Variants in SLC5A8 observed in about 807,000 individuals in gnomAD.
The protein encoded by SLC5A8 is sodium-coupled monocarboxylate transporter 1.
In SLC5A8, 55 loss-of-function variants were observed where a neutral mutation model predicts 71.9. That is an observed-to-expected ratio of 0.77 (90% CI 0.62 to 0.96). SLC5A8 has a LOEUF of 0.96. Ranked by LOEUF, SLC5A8 falls within the 40% of genes least tolerant of loss-of-function variation. The probability of loss-of-function intolerance (pLI) is 0.00; values close to 1 mark genes in which losing one functional copy is unlikely to be tolerated. For missense variants in SLC5A8, 701 were observed against 745.3 expected (o/e 0.94, Z 0.69); for synonymous variants, 307 against 276.1 (o/e 1.11, Z -1.11).
intron 1 of SLC5A8, among the ~76,000 whole-genome samples, chr12:101,207,759 A>G (rs1267338398): frequency 3.9e-5 from 6 of 152,178 alleles, no homozygotes; most frequent in Admixed American, 3.3e-4. Flanking sequence ...AGGTGTTCAC[A>G]TATTAACATG....
At chr12:101,208,540 C>T (rs1869773101) in intron 1 of SLC5A8, among the ~76,000 whole-genome samples, 1 of 152,180 alleles carries the variant, frequency 6.6e-6, no homozygotes, top group Non-Finnish European at 1.5e-5. Flanking sequence ...CCGCCCCCAC[C>T]TCCCATTCAA....
In SLC5A8 at chr12:101,187,469, A is replaced by G; in HGVS notation, c.880T>C (p.Ser294Pro). 6.2e-7 allele frequency: 1 copy of G among 1,614,006 alleles called. No homozygotes were observed. The highest frequency in any genetic ancestry group is 8.5e-7 in the Non-Finnish European group (1 of 1,179,954). Residue 294 changes from serine (S) to proline (P), a missense_variant, in exon 7 of 15, where the codon TCA becomes CCA. Physicochemically the swap from Ser to Pro is moderately conservative, Grantham distance 74. Coordinates refer to ENST00000536262, the MANE Select transcript of SLC5A8 (RefSeq NM_145913.5). ...LVGLWAILTC[S>P]VFCGLALYSR... ...TATAGGGCGAGCCCACAAAACACTG[A>G]GCATGTGAGGATTGCCCAGAGTCCC...
At chr12:101,182,588 G>T (rs1868414003) in intron 9 of SLC5A8, among the ~76,000 whole-genome samples, 1 of 152,156 alleles carries the variant, frequency 6.6e-6, no homozygotes, top group Non-Finnish European at 1.5e-5. Context: ...ACAATTAATT[G>T]TTTGAAGTGT....
rs2051672608 is a variant in SLC5A8, at chr12:101,157,172, A to G, written c.*107T>C. On this transcript the variant is annotated 3_prime_UTR_variant, in exon 15 of 15. Coordinates refer to ENST00000536262, the MANE Select transcript of SLC5A8 (RefSeq NM_145913.5). Reference sequence around the variant, plus strand: ...TTTAACAAAAACTTATCCCCCAAACACTCATGATACAACACACACACACAC... The same window carrying G: ...TTTAACAAAAACTTATCCCCCAAACGCTCATGATACAACACACACACACAC... The G allele has an allele frequency of 7.5e-7, 1 of 1,339,678 alleles. No homozygotes were observed. The highest frequency in any genetic ancestry group is 1.5e-5 in the African/African-American group (1 of 66,734). The allele number at this position is 1,339,678 out of a possible 1,614,324, so 83.0% of individuals were successfully genotyped here. A position where few individuals can be genotyped will look rare whatever the true frequency, so the allele number is the denominator to read the frequency against.
At chr12:101,185,528 G>T (rs1219700414) in intron 7 of SLC5A8, among the ~76,000 whole-genome samples, 1 of 152,134 alleles carries the variant, frequency 6.6e-6, no homozygotes, top group Non-Finnish European at 1.5e-5. Context: ...AATGCCAGCA[G>T]AGCATAGAGA....
At chr12:101,195,412 C>A (rs957530523) in intron 3 of SLC5A8, among the ~76,000 whole-genome samples, 4 of 152,072 alleles carry the variant, frequency 2.6e-5, no homozygotes, top group African/African-American at 9.7e-5. Context: ...CATGGAAAGG[C>A]GTTTATATTG....
Position 101,158,598 on chromosome 12 carries a change from C to CTATATATATATATATA in SLC5A8, c.1631-286_1631-271dup, listed in dbSNP as rs139268658. On this transcript the variant is annotated intron_variant, in intron 13 of 14. Coordinates refer to ENST00000536262, the MANE Select transcript of SLC5A8 (RefSeq NM_145913.5). ...TCTCTCTCTCTCTCTCTCTCTCTCT[C>CTATATATATATATATA]TATATATATATATATATATATATAT... Among the ~76,000 whole-genome samples, 50 of 21,168 alleles carry CTATATATATATATATA rather than the reference C, an allele frequency of 2.4e-3. 1 individual carries two copies. Among genetic ancestry groups the CTATATATATATATATA allele is most frequent in the Admixed American group, 4.8e-3 (7 of 1,468 alleles). The allele number at this position is 21,168 out of a possible 152,430, so 13.9% of individuals were successfully genotyped here. A position where few individuals can be genotyped will look rare whatever the true frequency, so the allele number is the denominator to read the frequency against.
chr12:101,199,358 C>T (rs1306060146), intron 3 of SLC5A8: 2 of 151,860 alleles, frequency 1.3e-5, no homozygotes, highest in South Asian at 2.1e-4. Flanking sequence ...TTTTAGTATA[C>T]ATGCTGCCAA....
intron 3 of SLC5A8, among the ~76,000 whole-genome samples, chr12:101,201,918 G>T (rs1869469575): frequency 6.6e-6 from 1 of 152,116 alleles, no homozygotes; most frequent in Non-Finnish European, 1.5e-5. Flanking sequence ...TGGGCTGATG[G>T]GCACATCCCA....
chr12:101,207,574 C>T (rs550636586), intron 1 of SLC5A8, among the ~76,000 whole-genome samples: 2 of 152,036 alleles, frequency 1.3e-5, no homozygotes, highest in Non-Finnish European at 2.9e-5. Context: ...GTTGTAGCCC[C>T]GAAGAGGCAT....
In SLC5A8 at chr12:101,158,243, A is replaced by G. The variant is rs2051685528; in HGVS notation, c.1710+6T>C. The stretch of plus-strand genomic sequence containing the variant: ...CCTAACTCAAGGTAAATGAAAGCCA[A>G]CTCACTTTCTTAAAAATATCAAAAT... On this transcript the variant is annotated splice_donor_region_variant and intron_variant, in intron 14 of 14. Coordinates refer to ENST00000536262, the MANE Select transcript of SLC5A8 (RefSeq NM_145913.5). 1 of 1,567,804 alleles carries G rather than the reference A, an allele frequency of 6.4e-7. No individual in the cohort carries two copies. The highest frequency in any genetic ancestry group is 8.7e-7 in the Non-Finnish European group (1 of 1,143,000).
In SLC5A8 at chr12:101,166,549, T is replaced by C; in HGVS notation, c.1471A>G (p.Thr491Ala). 3.1e-6 allele frequency: 5 copies of C among 1,614,028 alleles called. No homozygotes were observed. The highest frequency in any genetic ancestry group is 4.2e-6 in the Non-Finnish European group (5 of 1,179,946). Residue 491 changes from threonine to alanine, a missense_variant, in exon 12 of 15, where the codon ACA becomes GCA. Coordinates refer to ENST00000536262, the MANE Select transcript of SLC5A8 (RefSeq NM_145913.5). ...NSTYNETNLM[T>A]TTEMPFTTSV... ...GTAGTAAATGGCATTTCTGTGGTTG[T>C]CATCAAATTTGTCTCATTGTAGGTG...
At chr12:101,163,390 G>A (rs1180410919) in intron 12 of SLC5A8, among the ~76,000 whole-genome samples, 2 of 152,144 alleles carry the variant, frequency 1.3e-5, no homozygotes, top group Admixed American at 1.3e-4. Flanking sequence ...TCAAGACAAT[G>A]AGAACTTGGC....
chr12:101,185,098 A>T (rs553164327), intron 7 of SLC5A8, among the ~76,000 whole-genome samples: 181 of 152,318 alleles, frequency 1.2e-3, no homozygotes, highest in African/African-American at 4.0e-3. Context: ...ATTTAACAAT[A>T]GTGTGCTCAT....
At chr12:101,184,556 A>G (rs1868538682) in intron 7 of SLC5A8, among the ~76,000 whole-genome samples, 1 of 152,226 alleles carries the variant, frequency 6.6e-6, no homozygotes, top group South Asian at 2.1e-4. Flanking sequence ...TGTAAAACTC[A>G]TAGTATAGTA....
intron 10 of SLC5A8, among the ~76,000 whole-genome samples, chr12:101,176,974 GA>G (rs1402996903): frequency 2.6e-5 from 4 of 151,674 alleles, no homozygotes; most frequent in Non-Finnish European, 4.4e-5. Flanking sequence ...AAAAATCAAT[GA>G]AAAAAAGAAG....
At chr12:101,195,206 C>A (rs1869118047) in intron 3 of SLC5A8, 44 bp from the exon 4 acceptor site, 2 of 1,578,494 alleles carry the variant, frequency 1.3e-6, no homozygotes, top group Non-Finnish European at 8.7e-7. Context: ...GAAATATGCA[C>A]AATAAAAATA....
chr12:101,187,354 A>T (rs1868693719), intron 7 of SLC5A8, 32 bp downstream of exon 7: 1 of 1,593,094 alleles, frequency 6.3e-7, no homozygotes, highest in Non-Finnish European at 8.5e-7. Flanking sequence ...GAATATTATT[A>T]ATACACCTGT....
chr12:101,162,570 A>G (rs914702146), intron 12 of SLC5A8, among the ~76,000 whole-genome samples: 6 of 152,254 alleles, frequency 3.9e-5, no homozygotes, highest in African/African-American at 1.4e-4. Flanking sequence ...CCATGAAAAA[A>G]GAACAAAATC....
Sources: allele counts gnomAD v4.1 joint callset (sites outside exome capture counted in the v4.1 genomes callset), GRCh38; gene constraint gnomAD v4.1.1; transcripts MANE v1.5; gene names NCBI Gene and HGNC (gene_info 2026-07-23, HGNC 2026-07-21).